The following GAK variants were observed in gnomAD, a reference collection of about 807,000 sequenced individuals.
GAK encodes cyclin G associated kinase, also known as cyclin-G-associated kinase.
A neutral mutation model predicts 143.9 loss-of-function variants in GAK; 79 were observed. The ratio of observed to expected loss-of-function variants is 0.55; its 90% CI spans 0.46 to 0.66. GAK has a LOEUF of 0.66. Among genes scored for constraint, GAK ranks in the 30% least tolerant of loss-of-function variants. The probability of loss-of-function intolerance (pLI) is 0.00; values close to 1 mark genes in which losing one functional copy is unlikely to be tolerated. For missense variants in GAK, 1,693 were observed against 1,779.7 expected, an observed-to-expected ratio of 0.95 and a Z score of 0.88; for synonymous variants, 881 against 765.5, an observed-to-expected ratio of 1.15 and a Z score of -2.49.
At chr4:855,194 G>A (rs180878974) in intron 24 of GAK, among the ~76,000 whole-genome samples, 247 of 152,166 alleles carry the variant, frequency 1.6e-3, no homozygotes, top group African/African-American at 5.5e-3. Flanking sequence ...CACCTTACTC[G>A]GGAGCCTCCA....
At chr4:858,572 C>A (rs1056248378) in intron 24 of GAK, among the ~76,000 whole-genome samples, 6 of 152,234 alleles carry the variant, frequency 3.9e-5, no homozygotes, top group African/African-American at 1.4e-4. Context: ...ACCACACCGA[C>A]AGAAACGCTC....
intron 1 of GAK, among the ~76,000 whole-genome samples, chr4:927,701 G>GCGCTCCGCACTGCCCCGCAC (rs1725049053): frequency 7.0e-6 from 1 of 143,368 alleles, no homozygotes; most frequent in African/African-American, 2.6e-5. Flanking sequence ...CCGCTCACCT[G>GCGCTCCGCACTGCCCCGCAC]CCCTCCGCAC....
At chr4:925,305 C>A (rs1216778630) in intron 1 of GAK, among the ~76,000 whole-genome samples, 1 of 152,160 alleles carries the variant, frequency 6.6e-6, no homozygotes, top group Non-Finnish European at 1.5e-5. Context: ...CAGAGCTGGG[C>A]AACCTTCCCC....
At chr4:930,587 C>T (rs970501178) in intron 1 of GAK, among the ~76,000 whole-genome samples, 1 of 151,414 alleles carries the variant, frequency 6.6e-6, no homozygotes, top group Admixed American at 6.6e-5. Context: ...TGTCTCTCCA[C>T]CCCTTGAGCA....
At chr4:915,896 C>T (rs1184473882) in intron 1 of GAK, 2 of 152,056 alleles carry the variant, frequency 1.3e-5, no homozygotes, top group Non-Finnish European at 2.9e-5. Flanking sequence ...TAAAAGGCAT[C>T]CAGATGAAAA....
chr4:884,846 C>T (rs142121720), intron 11 of GAK, among the ~76,000 whole-genome samples: 14 of 152,332 alleles, frequency 9.2e-5, no homozygotes, highest in Admixed American at 9.1e-4. Flanking sequence ...GCAACCTCAG[C>T]TAGGCACATC....
chr4:888,581 A>C, intron 11 of GAK: 1 of 470,352 alleles, frequency 2.1e-6, no homozygotes, highest in Non-Finnish European at 3.8e-6. Context: ...GAGGGGCGAC[A>C]TTGCAGCAAG....
intron 24 of GAK, among the ~76,000 whole-genome samples, chr4:856,245 CCTGCTCACCACAG>C (rs1241951100): frequency 1.4e-5 from 2 of 139,150 alleles, no homozygotes; most frequent in Admixed American, 1.4e-4. Flanking sequence ...GCTGCTCACA[CCTGCTCACCACAG>C]CTGCTCACAA....
chr4:903,393 C>A (rs377706042), intron 5 of GAK, among the ~76,000 whole-genome samples: 2 of 152,210 alleles, frequency 1.3e-5, no homozygotes, highest in South Asian at 4.1e-4. Context: ...GAGCTCCCCT[C>A]AAGCTGAGTA....
In GAK at chr4:870,729, C is replaced by A. The variant is rs746720339; in HGVS notation, c.2230G>T (p.Asp744Tyr). ...ATCTTACCAAACTTAGACAGAATGT[C>A]TTGCTGCTCCTCCCGGCTGGAAAAC... is the stretch of plus-strand genomic sequence containing the variant. Reference protein sequence around the residue: ...ILFSSREEQQDILSKFGKPEL... With the variant: ...ILFSSREEQQYILSKFGKPEL... Residue 744 changes from aspartate (D) to tyrosine (Y), a missense_variant, in exon 19 of 28, where the codon GAC becomes TAC. Coordinates refer to ENST00000314167, the MANE Select transcript of GAK (RefSeq NM_005255.4). 1.4e-5 allele frequency: 22 copies of A among 1,613,884 alleles called. No individual in the cohort carries two copies. Among genetic ancestry groups the A allele is most frequent in the South Asian group, 7.7e-5 (7 of 91,056 alleles).
At chr4:868,508 G>C (rs1051661137) in intron 20 of GAK, 31 bp downstream of exon 20, 2 of 1,594,964 alleles carry the variant, frequency 1.3e-6, no homozygotes, top group South Asian at 2.2e-5. Flanking sequence ...CCTGCCCTCT[G>C]CAAGTGGCCA....
Position 877,104 on chromosome 4 carries a change from G to T in GAK, c.1960C>A (p.Arg654=). 6.2e-7 allele frequency: 1 copy of T among 1,612,286 alleles called. No individual in the cohort carries two copies. Among genetic ancestry groups the T allele is most frequent in the South Asian group, 1.1e-5 (1 of 91,000 alleles). ...IYHARSTLGG[R]LQAKMASMKM... ...GGCTCTCTCACCTTGGCCTGCAGCC[G>T]GCCGCCCAGAGTGGACCGGGCGTGA... The change falls in exon 17 of 28, where the codon CGG becomes AGG. Residue 654 remains arginine (R), a synonymous_variant. Coordinates refer to ENST00000314167, the MANE Select transcript of GAK (RefSeq NM_005255.4).
intron 1 of GAK, among the ~76,000 whole-genome samples, chr4:927,938 G>C (rs1337377883): frequency 6.6e-6 from 1 of 152,202 alleles, no homozygotes; most frequent in African/African-American, 2.4e-5. Context: ...AGCTGCAGAG[G>C]CTGGTGCCCT....
intron 24 of GAK, among the ~76,000 whole-genome samples, chr4:854,160 G>A (rs1395627854): frequency 1.1e-4 from 16 of 147,468 alleles, no homozygotes; most frequent in Non-Finnish European, 2.1e-4. Flanking sequence ...GGTGTTTCTC[G>A]CAGAGGGGGA....
intron 1 of GAK, chr4:915,455 C>T (rs1161564177): frequency 2.0e-5 from 3 of 152,760 alleles, no homozygotes; most frequent in African/African-American, 4.8e-5. Context: ...GACCTCCTTC[C>T]CCGACGCCCA....
chr4:889,084 G>A lies in GAK; in HGVS notation c.1082-114C>T, dbSNP rs572419729. On this transcript the variant is annotated intron_variant, in intron 10 of 27. Coordinates refer to ENST00000314167, the MANE Select transcript of GAK (RefSeq NM_005255.4). ...CTCGGTCCCACCTCCCCAGGCGCTC[G>A]GTCCCACCTCCCCAGGTGCAGGTTG... The A allele has an allele frequency of 2.6e-5, 34 of 1,310,638 alleles. 1 individual carries two copies. The highest frequency in any genetic ancestry group is 2.7e-4 in the Middle Eastern group (1 of 3,686). The allele number at this position is 1,310,638 out of a possible 1,614,324, so 81.2% of individuals were successfully genotyped here.
rs762077846 is a variant in GAK at position 849,928 on chromosome 4, G to A, written c.3798C>T (p.His1266=). 1.2e-6 allele frequency: 2 copies of A among 1,608,162 alleles called. No homozygotes were observed. The highest frequency in any genetic ancestry group is 1.7e-5 in the Admixed American group (1 of 59,182). The change falls in exon 27 of 28, where the codon CAC becomes CAT. Residue 1266 remains histidine, a synonymous_variant. Coordinates refer to ENST00000314167, the MANE Select transcript of GAK (RefSeq NM_005255.4). ...DLVAPEQVKK[H]YRRAVLAVHP... is the part of the protein sequence containing the mutation. ...GCACAGCCAGCACCGCGCGGCGATA[G>A]TGCTTCTTCACTTGCTCCGGAGCCA...
At chr4:900,260 G>A (rs1719614382) in intron 5 of GAK, among the ~76,000 whole-genome samples, 1 of 152,252 alleles carries the variant, frequency 6.6e-6, no homozygotes, top group Non-Finnish European at 1.5e-5. Context: ...TGTGCGCACA[G>A]CAGGACGACG....
In GAK at chr4:910,188, A is replaced by G. The variant is rs557441106; in HGVS notation, c.382+1485T>C. 2.6e-5 allele frequency among the ~76,000 whole-genome samples: 4 copies of G among 152,288 alleles called. No individual in the cohort carries two copies. The East Asian group carries it at 7.7e-4, about 29-fold the overall frequency. On this transcript the variant is annotated intron_variant, in intron 4 of 27. Coordinates refer to ENST00000314167, the MANE Select transcript of GAK (RefSeq NM_005255.4). ...AGACCCTGCCCAACAGGGCACTGACAGGTGCAGCCGCTATATCCAAGCAGC... is the reference window on the plus strand; with the variant it reads ...AGACCCTGCCCAACAGGGCACTGACGGGTGCAGCCGCTATATCCAAGCAGC...
Sources: allele counts gnomAD v4.1 joint callset (sites outside exome capture counted in the v4.1 genomes callset), GRCh38; gene constraint gnomAD v4.1.1; transcripts MANE v1.5; gene names NCBI Gene and HGNC (gene_info 2026-07-23, HGNC 2026-07-21).